TMTC2: variants seen among roughly 807,000 people sequenced by gnomAD.
TMTC2 encodes transmembrane O-mannosyltransferase targeting cadherins 2, also known as protein O-mannosyl-transferase TMTC2.
Under a neutral mutation model 82.4 loss-of-function variants are expected in TMTC2, and 43 were observed. That is an observed-to-expected ratio of 0.52 (90% CI 0.41 to 0.67). The LOEUF is 0.67. TMTC2 is among the 30% of genes least tolerant of loss of function. The pLI is 0.00. For missense variants in TMTC2, 919 were observed against 1,012.4 expected (o/e 0.91, Z 1.25); for synonymous variants, 408 against 381.9 (o/e 1.07, Z -0.80).
At chr12:82,766,651 G>T (rs1234091333) in intron 1 of TMTC2, among the ~76,000 whole-genome samples, 1 of 152,186 alleles carries the variant, frequency 6.6e-6, no homozygotes, top group Non-Finnish European at 1.5e-5. Flanking sequence ...ATATGGCAGA[G>T]ATTCCAAATA....
intron 9 of TMTC2, among the ~76,000 whole-genome samples, chr12:83,038,717 C>A (rs1407198780): frequency 6.6e-6 from 1 of 151,962 alleles, no homozygotes; most frequent in African/African-American, 2.4e-5. Flanking sequence ...TGAATAAATT[C>A]TACAAAATAA....
intron 3 of TMTC2, among the ~76,000 whole-genome samples, chr12:82,925,590 T>C (rs1875657076): frequency 6.6e-6 from 1 of 152,238 alleles, no homozygotes; most frequent in Admixed American, 6.5e-5. Context: ...CAGCAAGTGC[T>C]GACTTCATGT....
rs1412449381 is a variant in TMTC2 at position 82,852,146 on chromosome 12, G to C, written c.84-4864G>C. On this transcript the variant is annotated intron_variant, in intron 1 of 11. Coordinates refer to ENST00000321196, the MANE Select transcript of TMTC2 (RefSeq NM_152588.3). ...AGATGGAGTCTCGCTCTGTCGCCCA[G>C]GCTGGAGTGCAGTGGTGGGATCTCA... is the stretch of plus-strand genomic sequence containing the variant. Among the ~76,000 whole-genome samples, 4 of 149,638 alleles carry C rather than the reference G, an allele frequency of 2.7e-5. No homozygotes were observed. The East Asian group carries it at 7.9e-4, about 29-fold the overall frequency.
intron 8 of TMTC2, among the ~76,000 whole-genome samples, chr12:83,029,955 A>G (rs988310180): frequency 6.6e-6 from 1 of 152,336 alleles, no homozygotes; most frequent in South Asian, 2.1e-4. Flanking sequence ...CTTTAGATTA[A>G]ATCCTGGATT....
At chr12:82,924,995 T>C (rs1338666769) in intron 3 of TMTC2, among the ~76,000 whole-genome samples, 2 of 152,160 alleles carry the variant, frequency 1.3e-5, no homozygotes, top group Non-Finnish European at 2.9e-5. Flanking sequence ...TTGCAGCCAC[T>C]CAACTGACTG....
intron 11 of TMTC2, among the ~76,000 whole-genome samples, chr12:83,110,453 T>C (rs887067792): frequency 5.9e-5 from 9 of 152,136 alleles, no homozygotes; most frequent in African/African-American, 2.2e-4. Context: ...TCTCTATAGA[T>C]TTCTCTCCTT....
chr12:82,766,718 C>T (rs1157731877), intron 1 of TMTC2, among the ~76,000 whole-genome samples: 2 of 152,234 alleles, frequency 1.3e-5, no homozygotes, highest in Admixed American at 6.5e-5. Context: ...ATCCCACTTA[C>T]ATTGTAGGCA....
rs1182354636 is a variant in TMTC2, at chr12:82,687,305, G to T, written c.-282G>T. ...AAAGACCAGCCCTGCGCTTCCGCCG[G>T]GGGACGCGGAGCCCAAACGCCGCTC... On this transcript the variant is annotated 5_prime_UTR_variant, in exon 1 of 12. Coordinates refer to ENST00000321196, the MANE Select transcript of TMTC2 (RefSeq NM_152588.3). 1 of 514,608 alleles carries T rather than the reference G, an allele frequency of 1.9e-6. No individual in the cohort carries two copies. Among genetic ancestry groups the T allele is most frequent in the Non-Finnish European group, 3.5e-6 (1 of 282,978 alleles). 31.9% of individuals were successfully genotyped at this position (514,608 alleles called of 1,614,324 possible). A position where few individuals can be genotyped will look rare whatever the true frequency, so the allele number is the denominator to read the frequency against.
intron 2 of TMTC2, among the ~76,000 whole-genome samples, chr12:82,874,291 T>C (rs571625502): frequency 4.8e-4 from 73 of 152,350 alleles, no homozygotes; most frequent in East Asian, 1.2e-3. Context: ...TGTGTAATTG[T>C]GAACAACTCA....
intron 1 of TMTC2, among the ~76,000 whole-genome samples, chr12:82,747,336 G>A (rs1875744104): frequency 6.6e-6 from 1 of 152,198 alleles, no homozygotes; most frequent in Non-Finnish European, 1.5e-5. Flanking sequence ...GTTCAGAGAA[G>A]TTAAGGTTTT....
At chr12:82,971,892 C>T (rs1878464323) in intron 7 of TMTC2, among the ~76,000 whole-genome samples, 1 of 151,922 alleles carries the variant, frequency 6.6e-6, no homozygotes, top group South Asian at 2.1e-4. Flanking sequence ...TAATCTAGTT[C>T]CTTCTCTCAA....
At chr12:82,790,208 C>T (rs1371066853) in intron 1 of TMTC2, among the ~76,000 whole-genome samples, 1 of 150,856 alleles carries the variant, frequency 6.6e-6, no homozygotes, top group African/African-American at 2.4e-5. Context: ...GGTAAACTGT[C>T]CATGGCCATG....
intron 2 of TMTC2, among the ~76,000 whole-genome samples, chr12:82,864,496 CTTTTTTTT>C (rs775559477): frequency 2.8e-5 from 3 of 107,820 alleles, no homozygotes; most frequent in Non-Finnish European, 3.7e-5. Flanking sequence ...ATGTCACATT[CTTTTTTTT>C]TTTTTTTTTT....
chr12:82,814,356 C>T (rs1248743590), intron 1 of TMTC2, among the ~76,000 whole-genome samples: 1 of 152,092 alleles, frequency 6.6e-6, no homozygotes, highest in African/African-American at 2.4e-5. Flanking sequence ...TGGAAAAGAA[C>T]AAAGCTCCAT....
intron 1 of TMTC2, among the ~76,000 whole-genome samples, chr12:82,739,352 G>A (rs1875283336): frequency 6.6e-6 from 1 of 152,022 alleles, no homozygotes; most frequent in African/African-American, 2.4e-5. Flanking sequence ...AGCAGGTGTG[G>A]CCATATGATT....
At chr12:82,777,615 A>G (rs546082747) in intron 1 of TMTC2, among the ~76,000 whole-genome samples, 7 of 152,268 alleles carry the variant, frequency 4.6e-5, no homozygotes, top group South Asian at 2.1e-4. Context: ...GGTTTTCCCA[A>G]TAAAATGTTC....
chr12:82,865,058 CAAA>C (rs1373298523), intron 2 of TMTC2, among the ~76,000 whole-genome samples: 4 of 84,388 alleles, frequency 4.7e-5, no homozygotes, highest in African/African-American at 6.6e-5. Flanking sequence ...ACTAAAAATA[CAAA>C]AAAAAAAAAA....
intron 8 of TMTC2, among the ~76,000 whole-genome samples, chr12:83,011,287 C>T (rs1024793032): frequency 6.6e-6 from 1 of 152,190 alleles, no homozygotes; most frequent in Non-Finnish European, 1.5e-5. Context: ...GCTTGTTCAA[C>T]TACTTATTAG....
At chr12:83,090,141 T>C (rs1408152796) in intron 11 of TMTC2, among the ~76,000 whole-genome samples, 3 of 152,220 alleles carry the variant, frequency 2.0e-5, no homozygotes, top group Non-Finnish European at 4.4e-5. Context: ...GTTTTAAGTG[T>C]GGCATTAACA....
Sources: allele counts gnomAD v4.1 joint callset (sites outside exome capture counted in the v4.1 genomes callset), GRCh38; gene constraint gnomAD v4.1.1; transcripts MANE v1.5; gene names NCBI Gene and HGNC (gene_info 2026-07-23, HGNC 2026-07-21).